RIT2: variants seen among roughly 807,000 people sequenced by gnomAD.
The protein encoded by RIT2 is GTP-binding protein Rit2.
A neutral mutation model predicts 23.7 loss-of-function variants in RIT2; 24 were observed. The observed-to-expected ratio is 1.01, with a 90% CI of 0.73 to 1.43. The LOEUF (loss-of-function observed/expected upper bound fraction) is 1.43, where lower values mean the gene tolerates loss of function less well. RIT2 is among the 40% of genes most tolerant of loss of function. The probability of loss-of-function intolerance (pLI) is 0.00; values close to 1 mark genes in which losing one functional copy is unlikely to be tolerated. For synonymous variants in RIT2, 107 were observed against 91.1 expected (o/e 1.17, Z -0.99); for missense variants, 236 against 266.9 (o/e 0.88, Z 0.81).
chr18:42,897,148 C>T (rs1033852771), intron 4 of RIT2, among the ~76,000 whole-genome samples: 2 of 152,178 alleles, frequency 1.3e-5, no homozygotes, highest in Non-Finnish European at 1.5e-5. Context: ...TGTCATTTCT[C>T]GTTTCTTTTA....
intron 2 of RIT2, among the ~76,000 whole-genome samples, chr18:42,978,424 A>AT (rs959456152): frequency 2.0e-5 from 3 of 151,854 alleles, no homozygotes; most frequent in African/African-American, 7.3e-5. Flanking sequence ...CCCATAAACA[A>AT]TCTTTCTGTT....
intron 4 of RIT2, among the ~76,000 whole-genome samples, chr18:42,848,462 A>T (rs1305305853): frequency 1.3e-5 from 2 of 152,220 alleles, no homozygotes; most frequent in Non-Finnish European, 2.9e-5. Flanking sequence ...GAAACTTGGC[A>T]GTTAGCATGG....
chr18:42,955,663 T>G (rs1433713349), intron 3 of RIT2, among the ~76,000 whole-genome samples: 1 of 152,220 alleles, frequency 6.6e-6, no homozygotes, highest in African/African-American at 2.4e-5. Context: ...TGAAGTAGCC[T>G]GATACTCATG....
At chr18:42,776,673 C>G (rs1913679306) in intron 4 of RIT2, among the ~76,000 whole-genome samples, 2 of 151,938 alleles carry the variant, frequency 1.3e-5, no homozygotes, top group South Asian at 4.1e-4. Flanking sequence ...CACTGAGGCT[C>G]AGAGAGATTT....
intron 3 of RIT2, among the ~76,000 whole-genome samples, chr18:42,924,523 A>C (rs1471795833): frequency 2.0e-5 from 3 of 152,050 alleles, no homozygotes; most frequent in Admixed American, 1.3e-4. Flanking sequence ...TTAAGTCTAA[A>C]ATATCTGTTT....
intron 2 of RIT2, among the ~76,000 whole-genome samples, chr18:42,977,554 G>T (rs928409343): frequency 6.6e-6 from 1 of 151,914 alleles, no homozygotes; most frequent in Middle Eastern, 3.4e-3. Context: ...AATGTATAAT[G>T]GTGAGTAACT....
intron 1 of RIT2, among the ~76,000 whole-genome samples, chr18:43,068,280 A>G (rs990655718): frequency 1.3e-5 from 2 of 152,090 alleles, no homozygotes; most frequent in Non-Finnish European, 2.9e-5. Context: ...TCAAGAGGTA[A>G]ATTGCCCAAG....
At chr18:42,859,723 C>A (rs1907276970) in intron 4 of RIT2, among the ~76,000 whole-genome samples, 1 of 151,936 alleles carries the variant, frequency 6.6e-6, no homozygotes, top group South Asian at 2.1e-4. Context: ...ATTTTTAAAT[C>A]TCTTATTTGA....
At chr18:42,964,757 C>T (rs1910172707) in intron 3 of RIT2, among the ~76,000 whole-genome samples, 1 of 152,190 alleles carries the variant, frequency 6.6e-6, no homozygotes, top group Non-Finnish European at 1.5e-5. Context: ...AAATAAACCT[C>T]CTAAAATGAT....
At position 42,829,240 on chromosome 18, in the gene RIT2, A is replaced by ATG. The variant is rs528449269; in HGVS notation, c.427-85522_427-85521dup. 1.2e-4 allele frequency among the ~76,000 whole-genome samples: 18 copies of ATG among 152,312 alleles called. 1 individual carries two copies. In the South Asian group the frequency reaches 3.5e-3, roughly 30 times the overall value. On this transcript the variant is annotated intron_variant, in intron 4 of 4. Coordinates refer to ENST00000326695, the MANE Select transcript of RIT2 (RefSeq NM_002930.4). ...TCTGATTCTGATGCCTAATATATAT[A>ATG]TGATGGTCACCTTAAAGACATATAT...
intron 1 of RIT2, among the ~76,000 whole-genome samples, chr18:43,075,401 C>T (rs1311431515): frequency 6.6e-6 from 1 of 152,108 alleles, no homozygotes; most frequent in African/African-American, 2.4e-5. Context: ...TTCTTTTCTG[C>T]TTGTCCATGA....
At chr18:42,990,480 C>G (rs575008903) in intron 2 of RIT2, among the ~76,000 whole-genome samples, 1 of 152,192 alleles carries the variant, frequency 6.6e-6, no homozygotes, top group Non-Finnish European at 1.5e-5. Flanking sequence ...TGAGGGCTTT[C>G]TGCACTTGCC....
At chr18:42,920,597 C>T in intron 4 of RIT2, 1 of 752,354 alleles carries the variant, frequency 1.3e-6, no homozygotes, top group Admixed American at 2.4e-5. Flanking sequence ...ACATAATACA[C>T]TAAAACTCGT....
At chr18:42,986,790 C>T (rs998818466) in intron 2 of RIT2, among the ~76,000 whole-genome samples, 1 of 152,024 alleles carries the variant, frequency 6.6e-6, no homozygotes, top group African/African-American at 2.4e-5. Context: ...GGTAAGCCAC[C>T]GAGCCCAGCC....
chr18:43,060,441 A>G (rs1474959545), intron 1 of RIT2, among the ~76,000 whole-genome samples: 3 of 152,134 alleles, frequency 2.0e-5, no homozygotes. Flanking sequence ...AATCCAGCAG[A>G]TAAAATTGCA....
intron 2 of RIT2, among the ~76,000 whole-genome samples, chr18:43,022,156 A>G (rs1911613188): frequency 6.6e-6 from 1 of 152,184 alleles, no homozygotes; most frequent in Non-Finnish European, 1.5e-5. Context: ...ATGTGCCACA[A>G]CATGGACAGA....
At chr18:42,857,843 G>A (rs1907226137) in intron 4 of RIT2, among the ~76,000 whole-genome samples, 1 of 152,184 alleles carries the variant, frequency 6.6e-6, no homozygotes, top group African/African-American at 2.4e-5. Flanking sequence ...CCTAGGTACT[G>A]GGAATCAGTC....
intron 2 of RIT2, among the ~76,000 whole-genome samples, chr18:43,025,387 C>T (rs1911692372): frequency 6.6e-6 from 1 of 151,836 alleles, no homozygotes; most frequent in African/African-American, 2.4e-5. Flanking sequence ...TATCAGATAA[C>T]TAAAAATCGA....
chr18:43,051,454 T>C (rs188675849), intron 1 of RIT2, among the ~76,000 whole-genome samples: 7 of 151,502 alleles, frequency 4.6e-5, no homozygotes, highest in African/African-American at 1.7e-4. Context: ...TAAGGGAACA[T>C]AGGAATAGTA....
Sources: allele counts gnomAD v4.1 joint callset (sites outside exome capture counted in the v4.1 genomes callset), GRCh38; gene constraint gnomAD v4.1.1; transcripts MANE v1.5; gene names NCBI Gene and HGNC (gene_info 2026-07-23, HGNC 2026-07-21).